Variants in FBXW7 observed in about 807,000 individuals in gnomAD.
FBXW7 encodes the protein F-box/WD repeat-containing protein 7.
FBXW7 carries 11 observed loss-of-function variants against 86.3 expected under a neutral mutation model. That is an observed-to-expected ratio of 0.13 (90% CI 0.08 to 0.21). The LOEUF (loss-of-function observed/expected upper bound fraction) is 0.21. Ranked by LOEUF, FBXW7 falls within the 10% of genes least tolerant of loss-of-function variation. FBXW7 has a pLI of 1.00. For missense variants in FBXW7, 488 were observed against 847.4 expected (o/e 0.58, Z 5.27); for synonymous variants, 313 against 297.9 (o/e 1.05, Z -0.52).
At position 152,323,314 on chromosome 4, in the gene FBXW7, T is replaced by C. The variant is rs917156060; in HGVS notation, c.1856-165A>G. The C allele has an allele frequency of 3.0e-5, 25 of 821,916 alleles. No homozygotes were observed. In the Admixed American group the frequency reaches 4.1e-4, roughly 14 times the overall value. The allele number at this position is 821,916 out of a possible 1,614,324, so 50.9% of individuals were successfully genotyped here. A position where few individuals can be genotyped will look rare whatever the true frequency, so the allele number is the denominator to read the frequency against. On this transcript the variant is annotated intron_variant, in intron 13 of 13. Transcript: ENST00000281708. ...CTCAGTATTTTAGGATCAGCATGGA[T>C]GTAAGAAAATCTGGTAGTGATTTGT...
At chr4:152,448,420 T>C (rs1391522135) in intron 2 of FBXW7, among the ~76,000 whole-genome samples, 1 of 152,228 alleles carries the variant, frequency 6.6e-6, no homozygotes, top group Admixed American at 6.5e-5. Flanking sequence ...TTTCATTGCA[T>C]ATTTTTATTT....
intron 7 of FBXW7, among the ~76,000 whole-genome samples, chr4:152,335,884 A>G (rs969470979): frequency 1.3e-5 from 2 of 152,210 alleles, no homozygotes; most frequent in Non-Finnish European, 2.9e-5. Flanking sequence ...ACTTATAAAG[A>G]CAATGCTATT....
chr4:152,337,603 T>C (rs1315472564), intron 7 of FBXW7, 199 bp downstream of exon 7: 3 of 481,562 alleles, frequency 6.2e-6, no homozygotes, highest in Admixed American at 3.9e-5. Context: ...GTTACTTAGT[T>C]CACATGCATT....
At chr4:152,428,158 G>T (rs1316516860) in intron 2 of FBXW7, among the ~76,000 whole-genome samples, 1 of 152,138 alleles carries the variant, frequency 6.6e-6, no homozygotes, top group Non-Finnish European at 1.5e-5. Context: ...CCTAATGACT[G>T]CTGGTCTCGT....
chr4:152,449,288 C>T (rs1412638180), intron 2 of FBXW7, among the ~76,000 whole-genome samples: 2 of 152,174 alleles, frequency 1.3e-5, no homozygotes, highest in Non-Finnish European at 2.9e-5. Context: ...ATCTACAATA[C>T]AAAAATATAG....
chr4:152,431,281 T>C (rs982403963), intron 2 of FBXW7, among the ~76,000 whole-genome samples: 2 of 152,186 alleles, frequency 1.3e-5, no homozygotes, highest in Admixed American at 1.3e-4. Context: ...TTATTTGCAT[T>C]TCATGAATCA....
intron 4 of FBXW7, among the ~76,000 whole-genome samples, chr4:152,361,742 A>G (rs997710822): frequency 1.3e-5 from 2 of 152,124 alleles, no homozygotes; most frequent in African/African-American, 4.8e-5. Flanking sequence ...TTGGGAGACC[A>G]AGGCTGGTGG....
chr4:152,470,708 T>A (rs1397464906), intron 2 of FBXW7, among the ~76,000 whole-genome samples: 1 of 152,082 alleles, frequency 6.6e-6, no homozygotes, highest in Non-Finnish European at 1.5e-5. Context: ...AAATCTAGAA[T>A]AAAAAGCACT....
chr4:152,345,331 A>G (rs912143200), intron 6 of FBXW7, among the ~76,000 whole-genome samples: 1 of 152,180 alleles, frequency 6.6e-6, no homozygotes, highest in African/African-American at 2.4e-5. Context: ...ATCCCTGGGG[A>G]AAAGGTAAGT....
At chr4:152,430,693 A>G (rs1478272293) in intron 2 of FBXW7, among the ~76,000 whole-genome samples, 3 of 152,176 alleles carry the variant, frequency 2.0e-5, no homozygotes, top group Non-Finnish European at 2.9e-5. Flanking sequence ...GTATTGACAG[A>G]TAAGAACATT....
In FBXW7 at chr4:152,465,448, A is replaced by T. The variant is rs375093196; in HGVS notation, c.-119-52919T>A. ...CTTTTCCTTACTGTCATCACAATTG[A>T]AAATTTAACAACATCATTAATAAGT... On this transcript the variant is annotated intron_variant, in intron 2 of 13. Transcript: ENST00000281708. Among the ~76,000 whole-genome samples the T allele has an allele frequency of 1.4e-4, 21 of 152,328 alleles. No individual in the cohort carries two copies. The South Asian group carries it at 4.3e-3, about 32-fold the overall frequency.
intron 2 of FBXW7, among the ~76,000 whole-genome samples, chr4:152,461,948 T>C (rs1742988771): frequency 6.7e-6 from 1 of 148,250 alleles, no homozygotes; most frequent in African/African-American, 2.6e-5. Flanking sequence ...ATACAACTGA[T>C]GAGAAAAAAA....
intron 2 of FBXW7, 146 bp from the exon 3 acceptor site, chr4:152,412,675 A>ATATG (rs1253524561): frequency 1.3e-5 from 2 of 152,116 alleles, no homozygotes; most frequent in African/African-American, 4.8e-5. Flanking sequence ...GATGGGATAT[A>ATATG]TATGGTGTAA....
In FBXW7 at chr4:152,322,419, G is replaced by A. The variant is rs1728628933; in HGVS notation, c.*462C>T. On this transcript the variant is annotated 3_prime_UTR_variant, in exon 14 of 14. Transcript: ENST00000281708. ...TTCCACTCCAGAAAAATGACTTTTTGTTGCAGATGCTCTCTAATTAGAAAG... is the reference window on the plus strand; with the variant it reads ...TTCCACTCCAGAAAAATGACTTTTTATTGCAGATGCTCTCTAATTAGAAAG... The A allele has an allele frequency of 4.6e-6, 1 of 218,746 alleles. No individual in the cohort carries two copies. The highest frequency in any genetic ancestry group is 9.0e-6 in the Non-Finnish European group (1 of 110,596). 13.6% of individuals were successfully genotyped at this position (218,746 alleles called of 1,614,324 possible).
Position 152,447,292 on chromosome 4 carries a change from G to A in FBXW7, c.-119-34763C>T, listed in dbSNP as rs1741491578. The stretch of plus-strand genomic sequence containing the variant: ...TGAGAGAAATGGTGTCTCTATCATG[G>A]CAAGAACAGAAACAGGGAATGATAA... On this transcript the variant is annotated intron_variant, in intron 2 of 13. Transcript: ENST00000281708. 2.6e-5 allele frequency among the ~76,000 whole-genome samples: 4 copies of A among 152,122 alleles called. No homozygotes were observed. The South Asian group carries it at 8.3e-4, about 31-fold the overall frequency.
chr4:152,405,981 G>A (rs1055104777), intron 4 of FBXW7, among the ~76,000 whole-genome samples: 2 of 152,196 alleles, frequency 1.3e-5, no homozygotes, highest in African/African-American at 2.4e-5. Flanking sequence ...AATGATCGGA[G>A]CTTGAGAAAT....
At chr4:152,377,137 A>G (rs538883685) in intron 4 of FBXW7, among the ~76,000 whole-genome samples, 4 of 152,262 alleles carry the variant, frequency 2.6e-5, no homozygotes, top group South Asian at 2.1e-4. Flanking sequence ...AAAAAAATGT[A>G]TATGTTACAA....
intron 8 of FBXW7, 31 bp from the exon 9 acceptor site, chr4:152,330,899 C>CT: frequency 6.2e-7 from 1 of 1,601,232 alleles, no homozygotes; most frequent in South Asian, 1.1e-5. Context: ...AGTAAATTGC[C>CT]TTCACCAATA....
intron 6 of FBXW7, chr4:152,338,226 T>C (rs566820734): frequency 1.8e-4 from 36 of 200,504 alleles, no homozygotes; most frequent in African/African-American, 6.7e-4. Flanking sequence ...ACCAAGTCAC[T>C]AACTGAGAAG....
Sources: gnomAD v4.1 joint callset for allele counts (sites outside exome capture counted in the v4.1 genomes callset) on GRCh38, gnomAD v4.1.1 for gene constraint, MANE v1.5 for transcripts, NCBI Gene and HGNC (gene_info 2026-07-23, HGNC 2026-07-21) for gene names.